RNF19A: variants seen among roughly 807,000 people sequenced by gnomAD.
RNF19A encodes ring finger protein 19A, RBR E3 ubiquitin protein ligase, also known as E3 ubiquitin-protein ligase RNF19A.
RNF19A carries 32 observed loss-of-function variants against 75.7 expected under a neutral mutation model. The ratio of observed to expected loss-of-function variants is 0.42; its 90% confidence interval spans 0.32 to 0.57. RNF19A has a LOEUF of 0.57. Among genes scored for constraint, RNF19A ranks in the 20% least tolerant of loss-of-function variants. RNF19A has a pLI of 0.10. For missense variants in RNF19A, 782 were observed against 1,036.3 expected, an observed-to-expected ratio of 0.75 and a Z score of 3.37; for synonymous variants, 335 against 345.2, an observed-to-expected ratio of 0.97 and a Z score of 0.33.
rs1819868195 is a variant in RNF19A at position 100,264,304 on chromosome 8, G to C, written c.1307-109C>G. On this transcript the variant is annotated intron_variant, in intron 6 of 9. Coordinates refer to ENST00000341084, the MANE Select transcript of RNF19A (RefSeq NM_183419.4). The surrounding 1 kb of genome is among the most constrained non-coding windows in gnomAD (Gnocchi z 4.7). ...AGAGTCATACAGAGAAAAGCGCCAG[G>C]GTTCTGAAGAGTTGGCTGGAACATT... is the stretch of plus-strand genomic sequence containing the variant. 4 of 964,406 alleles carry C rather than the reference G, an allele frequency of 4.1e-6. No homozygotes were observed. Among genetic ancestry groups the C allele is most frequent in the African/African-American group, 1.7e-5 (1 of 60,580 alleles). The allele number at this position is 964,406 out of a possible 1,614,324, so 59.7% of individuals were successfully genotyped here. A position where few individuals can be genotyped will look rare whatever the true frequency, so the allele number is the denominator to read the frequency against.
In RNF19A at chr8:100,333,502, CGAGA is replaced by C. The variant is rs1342218051; in HGVS notation, c.-243+2602_-243+2605del. ...GCAAGATTCAAGATTGCTTATACAG[CGAGA>C]TCAGTACCATATAAAAGTATATCAA... is the stretch of plus-strand genomic sequence containing the variant. On this transcript the variant is annotated intron_variant, in intron 1 of 3. Coordinates refer to the RNF19A transcript ENST00000519527. The surrounding 1 kb of genome is among the most constrained non-coding windows in gnomAD (Gnocchi z 4.7). Among the ~76,000 whole-genome samples, 1 of 152,148 alleles carries C rather than the reference CGAGA, an allele frequency of 6.6e-6. No homozygotes were observed. Among genetic ancestry groups the C allele is most frequent in the Non-Finnish European group, 1.5e-5 (1 of 68,016 alleles).
At chr8:100,327,938 T>A (rs1442670870) in intron 1 of RNF19A, among the ~76,000 whole-genome samples, 1 of 152,222 alleles carries the variant, frequency 6.6e-6, no homozygotes, top group Non-Finnish European at 1.5e-5. Context: ...CAGAGATTTG[T>A]GAGAAAACTG....
At position 100,275,056 on chromosome 8, in the gene RNF19A, G is replaced by A. The variant is rs1187713885; in HGVS notation, c.780C>T (p.Pro260=). 1.2e-6 allele frequency: 2 copies of A among 1,614,084 alleles called. No homozygotes were observed. The highest frequency in any genetic ancestry group is 1.7e-6 in the Non-Finnish European group (2 of 1,179,978). The change falls in exon 3 of 10, where the codon CCC becomes CCT. Residue 260 remains proline (P), a synonymous_variant. Coordinates refer to ENST00000341084, the MANE Select transcript of RNF19A (RefSeq NM_183419.4). The surrounding 1 kb of genome is among the most constrained non-coding windows in gnomAD (Gnocchi z 4.3). ...GTCGAGCAGCATCACAGGTCTGGTT[G>A]GGGTGCCAAATCTGTTTACAGTGGT... ...FCYHCKQIWH[P]NQTCDAARQE... is the part of the protein sequence containing the mutation.
chr8:100,309,576 T>C (rs921311575), intron 1 of RNF19A: 1 of 975,730 alleles, frequency 1.0e-6, no homozygotes, highest in Non-Finnish European at 1.2e-6. Context: ...AGGACAGGGC[T>C]TGGGGCGGAT....
chr8:100,269,085 T>G lies in RNF19A; in HGVS notation c.1029-138A>C. On this transcript the variant is annotated intron_variant, in intron 4 of 9. Transcript: ENST00000341084. The surrounding 1 kb of genome is among the most constrained non-coding windows in gnomAD (Gnocchi z 5.7). ...TTTTCCCCTTTAAATTCTGAGTTCA[T>G]TAAACTAAGGTAAGAACCACTATAA... 1 of 479,640 alleles carries G rather than the reference T, an allele frequency of 2.1e-6. No homozygotes were observed. The highest frequency in any genetic ancestry group is 3.5e-5 in the East Asian group (1 of 28,206). 29.7% of individuals were successfully genotyped at this position (479,640 alleles called of 1,614,324 possible). A position where few individuals can be genotyped will look rare whatever the true frequency, so the allele number is the denominator to read the frequency against.
rs540919451 is a variant in RNF19A, at chr8:100,284,176, A to C, written c.674+3325T>G. On this transcript the variant is annotated intron_variant, in intron 2 of 9. Transcript: ENST00000341084. This position sits in a 1 kb window ranked among gnomAD's most constrained non-coding sequence, Gnocchi z 4.3. ...GTGTGCTAGGAATTTTGCTAGTAAT[A>C]GCATTAAAGATCTCACTTAATCCTT... 6.6e-6 allele frequency among the ~76,000 whole-genome samples: 1 copy of C among 152,232 alleles called. No homozygotes were observed. Among genetic ancestry groups the C allele is most frequent in the Admixed American group, 6.5e-5 (1 of 15,282 alleles).
intron 7 of RNF19A, 133 bp downstream of exon 7, chr8:100,263,901 G>A (rs1819843826): frequency 3.0e-6 from 2 of 665,522 alleles, no homozygotes; most frequent in African/African-American, 1.8e-5. Flanking sequence ...ATTCACTTAT[G>A]TACTTCTGAA....
intron 1 of RNF19A, chr8:100,309,544 C>T: frequency 1.0e-6 from 1 of 984,648 alleles, no homozygotes; most frequent in Non-Finnish European, 1.2e-6. Context: ...CCGGGCCGGC[C>T]GCCGGCCGCA....
chr8:100,271,302 C>A (rs1247799462), intron 3 of RNF19A, among the ~76,000 whole-genome samples: 1 of 152,008 alleles, frequency 6.6e-6, no homozygotes, highest in African/African-American at 2.4e-5. Context: ...TAAAAATATC[C>A]ATGTCATGAT....
chr8:100,287,717 C>G lies in RNF19A; in HGVS notation c.458G>C (p.Arg153Thr). ...RFPDIMTCHH[R>T]SCVDCLRQYL... ...TTGTCGTAAGCAATCCACACAAGAT[C>G]TGTGATGACAAGTCATTATATCAGG... Residue 153 changes from arginine to threonine, a missense_variant, in exon 2 of 10, where the codon AGA (arginine) becomes ACA (threonine). This residue lies in a region of RNF19A where 85 missense variants were observed against 177.7 expected (regional missense o/e 0.48). Coordinates refer to ENST00000341084, the MANE Select transcript of RNF19A (RefSeq NM_183419.4). The surrounding 1 kb of genome is among the most constrained non-coding windows in gnomAD (Gnocchi z 4.1). The G allele has an allele frequency of 6.2e-7, 1 of 1,614,044 alleles. No individual in the cohort carries two copies. The highest frequency in any genetic ancestry group is 8.5e-7 in the Non-Finnish European group (1 of 1,179,976).
rs1157859534 is a variant in RNF19A at position 100,289,146 on chromosome 8, C to T, written c.-93-879G>A. ...GTTGCTGAGAACTGAGAATAAATGGCCTTTAAAAAAAGAAAAATACTATGT... is the reference window on the plus strand; with the variant it reads ...GTTGCTGAGAACTGAGAATAAATGGTCTTTAAAAAAAGAAAAATACTATGT... On this transcript the variant is annotated intron_variant, in intron 1 of 9. Transcript: ENST00000341084. Among the ~76,000 whole-genome samples, 43 of 151,186 alleles carry T rather than the reference C, an allele frequency of 2.8e-4. 1 individual carries two copies. The highest frequency in any genetic ancestry group is 3.2e-3 in the Middle Eastern group (1 of 316).
chr8:100,308,797 A>G (rs1822166057), intron 1 of RNF19A, among the ~76,000 whole-genome samples: 1 of 152,248 alleles, frequency 6.6e-6, no homozygotes. Flanking sequence ...TAGCATTTCT[A>G]GCCAACATCT....
intron 1 of RNF19A, among the ~76,000 whole-genome samples, chr8:100,328,482 T>A (rs990339281): frequency 6.6e-6 from 1 of 152,020 alleles, no homozygotes; most frequent in African/African-American, 2.4e-5. Context: ...TGTTTGCTTT[T>A]TTTTTTTGAG....
intron 3 of RNF19A, among the ~76,000 whole-genome samples, chr8:100,273,787 CATT>C (rs906918114): frequency 9.2e-4 from 140 of 151,946 alleles, no homozygotes; most frequent in African/African-American, 3.1e-3. Flanking sequence ...TTATTATCAT[CATT>C]ATTATTTTTT....
intron 2 of RNF19A, among the ~76,000 whole-genome samples, chr8:100,277,869 A>G (rs1323235459): frequency 1.3e-5 from 2 of 152,232 alleles, no homozygotes; most frequent in African/African-American, 2.4e-5. Flanking sequence ...ACGTCAGTGA[A>G]AAGGATTCTC....
chr8:100,275,093 G>T lies in RNF19A; in HGVS notation c.743C>A (p.Thr248Lys). ...CTGTTTACAGTGGTAGCAAAACTCTGTTCCACAGCCCTCTCGCCCACAAGT... is the reference window on the plus strand; with the variant it reads ...CTGTTTACAGTGGTAGCAAAACTCTTTTCCACAGCCCTCTCGCCCACAAGT... ...KLTCGREGCGTEFCYHCKQIW... is the reference protein window; with the variant it reads ...KLTCGREGCGKEFCYHCKQIW... Residue 248 changes from threonine to lysine, a missense_variant, in exon 3 of 10, where the codon ACA becomes AAA. Coordinates refer to ENST00000341084, the MANE Select transcript of RNF19A (RefSeq NM_183419.4). This position sits in a 1 kb window ranked among gnomAD's most constrained non-coding sequence, Gnocchi z 4.3. The T allele has an allele frequency of 6.2e-7, 1 of 1,614,110 alleles. No individual in the cohort carries two copies. Among genetic ancestry groups the T allele is most frequent in the Non-Finnish European group, 8.5e-7 (1 of 1,180,012 alleles).
In RNF19A at chr8:100,292,216, AC is replaced by A. The variant is rs548377023; in HGVS notation, c.-93-3950del. Among the ~76,000 whole-genome samples the A allele has an allele frequency of 4.0e-4, 61 of 152,358 alleles. 1 individual carries two copies. The highest frequency in any genetic ancestry group is 4.3e-4 in the Non-Finnish European group (29 of 68,024). On this transcript the variant is annotated intron_variant, in intron 1 of 9. Coordinates refer to ENST00000341084, the MANE Select transcript of RNF19A (RefSeq NM_183419.4). Reference sequence around the variant, plus strand: ...GAGAAGATAATAAAGAATAAAAAAAACAAATTTAACTTTAATGGCTATGTAT... The same window carrying A: ...GAGAAGATAATAAAGAATAAAAAAAAAAATTTAACTTTAATGGCTATGTAT...
At chr8:100,293,824 T>C (rs1821420077) in intron 1 of RNF19A, among the ~76,000 whole-genome samples, 1 of 152,216 alleles carries the variant, frequency 6.6e-6, no homozygotes, top group Non-Finnish European at 1.5e-5. Flanking sequence ...ACTGGCAAAT[T>C]TCTATTGATT....
chr8:100,316,978 C>CT (rs1305755928), intron 1 of RNF19A, among the ~76,000 whole-genome samples: 1 of 152,212 alleles, frequency 6.6e-6, no homozygotes, highest in African/African-American at 2.4e-5. Flanking sequence ...GCTGGCACTG[C>CT]TGGGGGACCC....
Sources: gnomAD v4.1 joint callset for allele counts (sites outside exome capture counted in the v4.1 genomes callset) on GRCh38, gnomAD v4.1.1 for gene constraint, gnomAD v4.1.1 regional missense constraint, Gnocchi (gnomAD v3.1) non-coding constraint, MANE v1.5 for transcripts, NCBI Gene and HGNC (gene_info 2026-07-23, HGNC 2026-07-21) for gene names.